Variants in POM121C observed in about 807,000 individuals in gnomAD.
The protein encoded by POM121C is nuclear envelope pore membrane protein POM 121C.
Under a neutral mutation model 66.4 loss-of-function variants are expected in POM121C, and 20 were observed. The observed-to-expected ratio is 0.30, with a 90% CI of 0.21 to 0.44. The LOEUF is 0.44. POM121C is among the 20% of genes least tolerant of loss of function. The pLI, the probability that POM121C is intolerant of heterozygous loss-of-function variation, is 1.00. For missense variants in POM121C, 580 were observed against 1,225.7 expected (o/e 0.47, Z 7.87); for synonymous variants, 286 against 528.0 (o/e 0.54, Z 6.28).
intron 3 of POM121C, among the ~76,000 whole-genome samples, chr7:75,463,732 A>G (rs1554477379): frequency 1.3e-5 from 2 of 152,142 alleles, no homozygotes; most frequent in African/African-American, 4.8e-5. Context: ...TAGCTCTGTC[A>G]TCCAGACTGG....
intron 7 of POM121C, among the ~76,000 whole-genome samples, chr7:75,430,797 C>T (rs797031867): frequency 1.3e-5 from 2 of 152,114 alleles, no homozygotes; most frequent in African/African-American, 4.8e-5. Flanking sequence ...AGCCAAGAGG[C>T]CAGGCGCGGT....
intron 3 of POM121C, among the ~76,000 whole-genome samples, chr7:75,466,922 T>C (rs1354847586): frequency 6.6e-6 from 1 of 152,182 alleles, no homozygotes; most frequent in African/African-American, 2.4e-5. Context: ...AGAGATCAAA[T>C]GACTCACTCA....
Position 75,485,931 on chromosome 7 carries a change from G to T in POM121C, c.-525C>A. On this transcript the variant is annotated 5_prime_UTR_variant, in exon 1 of 15. Transcript: ENST00000615331. ...GCCGGGGCGGGCTGCTGTCGCTGGCGCGCGCGTCTGCTCGCGAGGTCCCCT... is the reference window on the plus strand; with the variant it reads ...GCCGGGGCGGGCTGCTGTCGCTGGCTCGCGCGTCTGCTCGCGAGGTCCCCT... 2.0e-6 allele frequency: 1 copy of T among 497,054 alleles called. No individual in the cohort carries two copies. Among genetic ancestry groups the T allele is most frequent in the South Asian group, 1.5e-5 (1 of 68,862 alleles). The allele number at this position is 497,054 out of a possible 1,614,324, so 30.8% of individuals were successfully genotyped here. A position where few individuals can be genotyped will look rare whatever the true frequency, so the allele number is the denominator to read the frequency against.
intron 1 of POM121C, among the ~76,000 whole-genome samples, chr7:75,482,288 C>T (rs1792334872): frequency 6.6e-6 from 1 of 152,120 alleles, no homozygotes; most frequent in Non-Finnish European, 1.5e-5. Flanking sequence ...AAAAAGATTC[C>T]TTATTGGTCA....
At chr7:75,447,795 A>G (rs1790874904) in intron 3 of POM121C, among the ~76,000 whole-genome samples, 1 of 151,978 alleles carries the variant, frequency 6.6e-6, no homozygotes. Flanking sequence ...AGGCCGAGGC[A>G]GGCGGATCAC....
chr7:75,447,682 T>C (rs1790870469), intron 3 of POM121C, among the ~76,000 whole-genome samples: 1 of 151,188 alleles, frequency 6.6e-6, no homozygotes, highest in African/African-American at 2.4e-5. Context: ...AGCCCCAGAG[T>C]TCGAGAACAG....
chr7:75,468,313 CTTTTTT>C (rs59483137), intron 3 of POM121C, among the ~76,000 whole-genome samples: 1 of 89,726 alleles, frequency 1.1e-5, no homozygotes, highest in African/African-American at 5.0e-5. Flanking sequence ...AAGACTCCAG[CTTTTTT>C]TTTTTTTTTT....
At chr7:75,482,492 G>A (rs1164912835) in intron 1 of POM121C, among the ~76,000 whole-genome samples, 3 of 152,046 alleles carry the variant, frequency 2.0e-5, no homozygotes, top group Admixed American at 1.3e-4. Context: ...TCAGGAGTTC[G>A]ACATGCATGA....
intron 13 of POM121C, chr7:75,420,273 A>G (rs1353984905): frequency 6.6e-6 from 1 of 152,126 alleles, no homozygotes; most frequent in Non-Finnish European, 1.5e-5. Context: ...CACTGTCACC[A>G]CAACTGCTCC....
intron 7 of POM121C, among the ~76,000 whole-genome samples, chr7:75,433,449 G>C (rs1363617021): frequency 6.6e-6 from 1 of 151,792 alleles, no homozygotes; most frequent in Non-Finnish European, 1.5e-5. Context: ...TCCGCCTCCC[G>C]GGTTCACGCC....
chr7:75,476,659 A>T (rs1563159674), intron 1 of POM121C, among the ~76,000 whole-genome samples: 1 of 152,156 alleles, frequency 6.6e-6, no homozygotes, highest in Non-Finnish European at 1.5e-5. Context: ...TTAGTCCAGA[A>T]GGCAAGGAGG....
chr7:75,470,943 T>C (rs1554478578), intron 3 of POM121C, among the ~76,000 whole-genome samples: 3 of 151,626 alleles, frequency 2.0e-5, no homozygotes, highest in African/African-American at 2.4e-5. Context: ...CCAGCATATA[T>C]ATATATTTTT....
At chr7:75,450,370 C>A (rs1790980866) in intron 3 of POM121C, among the ~76,000 whole-genome samples, 1 of 152,168 alleles carries the variant, frequency 6.6e-6, no homozygotes, top group Admixed American at 6.5e-5. Flanking sequence ...AGCAGGAAAG[C>A]TGGGGAGAAT....
rs587707735 is a variant in POM121C, at chr7:75,422,026, A to G, written c.2226T>C (p.Thr742=). ...TGGACGCAGGTGCAGGTGTGGGTGC[A>G]GTAGCCGGGGCCGGGGCTGCAGAGT... ...FGNSAAPAPA[T]APTPAPASTI... Residue 742 remains threonine (T), a synonymous_variant, in exon 13 of 15, where the codon ACT becomes ACC. Coordinates refer to ENST00000615331, the MANE Select transcript of POM121C (RefSeq NM_001099415.3). The G allele has an allele frequency of 2.7e-5, 43 of 1,613,560 alleles. No individual in the cohort carries two copies. The South Asian group carries it at 3.3e-4, about 12-fold the overall frequency.
At chr7:75,440,420 T>C (rs1275927528) in intron 5 of POM121C, among the ~76,000 whole-genome samples, 6 of 151,540 alleles carry the variant, frequency 4.0e-5, no homozygotes, top group Admixed American at 6.6e-5. Context: ...ACAAAAAAAT[T>C]AGCTGGGCAT....
rs370340303 is a variant in POM121C, at chr7:75,481,030, A to T, written c.-458+4834T>A. ...ATACCCACTCTCAAATAGTTCAAAA[A>T]ATATATATATATATATAAATATATA... On this transcript the variant is annotated intron_variant, in intron 1 of 14. Coordinates refer to ENST00000615331, the MANE Select transcript of POM121C (RefSeq NM_001099415.3). Among the ~76,000 whole-genome samples the T allele has an allele frequency of 1.6e-3, 219 of 137,038 alleles. 1 individual carries two copies. Among genetic ancestry groups the T allele is most frequent in the African/African-American group, 3.9e-3 (149 of 38,542 alleles). 89.9% of individuals were successfully genotyped at this position (137,038 alleles called of 152,430 possible). A position where few individuals can be genotyped will look rare whatever the true frequency, so the allele number is the denominator to read the frequency against.
At position 75,418,650 on chromosome 7, in the gene POM121C, G is replaced by T; in HGVS notation, c.*146C>A. ...TTCCTCCAGAAGGGAAAGGGCCCCA[G>T]GGCTGCCACTGCCCCCTGGCGGCTG... On this transcript the variant is annotated 3_prime_UTR_variant, in exon 15 of 15. Transcript: ENST00000615331. 7.3e-7 allele frequency: 1 copy of T among 1,378,510 alleles called. No individual in the cohort carries two copies. Among genetic ancestry groups the T allele is most frequent in the Non-Finnish European group, 9.5e-7 (1 of 1,047,766 alleles). The allele number at this position is 1,378,510 out of a possible 1,614,324, so 85.4% of individuals were successfully genotyped here.
At chr7:75,438,872 C>T (rs1416825070) in intron 6 of POM121C, among the ~76,000 whole-genome samples, 1 of 152,194 alleles carries the variant, frequency 6.6e-6, no homozygotes, top group Non-Finnish European at 1.5e-5. Flanking sequence ...ACAAACTTTG[C>T]AATCCTTCTG....
Position 75,437,545 on chromosome 7 carries a change from A to G in POM121C, c.450T>C (p.Ser150=). 1.9e-6 allele frequency: 3 copies of G among 1,613,770 alleles called. No individual in the cohort carries two copies. Among genetic ancestry groups the G allele is most frequent in the Non-Finnish European group, 2.5e-6 (3 of 1,179,748 alleles). The part of the protein sequence containing the change: ...IPSSSRNAIT[S]SYSSTRGISQ... ...AGATGCCTCGAGTGGAGCTGTAGGA[A>G]CTGGTAATGGCATTGCGGCTGGAGC... is the stretch of plus-strand genomic sequence containing the variant. Residue 150 remains serine (S), a synonymous_variant, in exon 7 of 15, where the codon AGT becomes AGC. Transcript: ENST00000615331.
Sources: allele counts gnomAD v4.1 joint callset (sites outside exome capture counted in the v4.1 genomes callset), GRCh38; gene constraint gnomAD v4.1.1; transcripts MANE v1.5; gene names NCBI Gene and HGNC (gene_info 2026-07-23, HGNC 2026-07-21).